The following CSMD2 variants were observed in gnomAD, a reference collection of about 807,000 sequenced individuals.
The protein encoded by CSMD2 is CUB and Sushi multiple domains 2.
CSMD2 carries 130 observed loss-of-function variants against 398.5 expected under a neutral mutation model. The ratio of observed to expected loss-of-function variants is 0.33; its 90% confidence interval spans 0.28 to 0.38. CSMD2 has a LOEUF of 0.38. CSMD2 is among the 10% of genes least tolerant of loss of function. The pLI, the probability that CSMD2 is intolerant of heterozygous loss-of-function variation, is 1.00. For synonymous variants in CSMD2, 1,828 were observed against 1,908.5 expected, an observed-to-expected ratio of 0.96 and a Z score of 1.10; for missense variants, 3,829 against 4,764.9, an observed-to-expected ratio of 0.80 and a Z score of 5.78.
At chr1:33,641,423 A>G (rs1643102476) in intron 29 of CSMD2, among the ~76,000 whole-genome samples, 1 of 152,104 alleles carries the variant, frequency 6.6e-6, no homozygotes, top group Non-Finnish European at 1.5e-5. Context: ...AGGTCCTTCC[A>G]CCCCACTGGT....
chr1:34,103,314 T>TTA (rs1553316154), intron 1 of CSMD2, among the ~76,000 whole-genome samples: 1 of 114,658 alleles, frequency 8.7e-6, no homozygotes, highest in African/African-American at 3.2e-5. Flanking sequence ...TTTTTTTCTT[T>TTA]CTGAGCCAGA....
intron 25 of CSMD2, among the ~76,000 whole-genome samples, chr1:33,670,944 G>A (rs907646419): frequency 2.6e-5 from 4 of 152,172 alleles, no homozygotes; most frequent in Non-Finnish European, 5.9e-5. Flanking sequence ...AGAAAAGAGA[G>A]ATGAGAGATT....
At chr1:33,529,664 T>C (rs1354615895) in intron 64 of CSMD2, among the ~76,000 whole-genome samples, 2 of 152,092 alleles carry the variant, frequency 1.3e-5, no homozygotes, top group African/African-American at 4.8e-5. Flanking sequence ...ATCTAAGAAG[T>C]AAAACTAGAA....
At chr1:34,005,132 C>T (rs186490092) in intron 3 of CSMD2, among the ~76,000 whole-genome samples, 20 of 152,134 alleles carry the variant, frequency 1.3e-4, no homozygotes, top group Non-Finnish European at 2.4e-4. Flanking sequence ...TAATTAGATA[C>T]GAGAGAGAGA....
intron 3 of CSMD2, among the ~76,000 whole-genome samples, chr1:33,965,742 A>C (rs1469334190): frequency 6.6e-6 from 1 of 152,198 alleles, no homozygotes; most frequent in Non-Finnish European, 1.5e-5. Context: ...AATGGTTCAG[A>C]ATTTCAAGAT....
At chr1:33,625,378 C>G in intron 33 of CSMD2, 124 bp from the exon 34 acceptor site, 1 of 931,106 alleles carries the variant, frequency 1.1e-6, no homozygotes, top group Non-Finnish European at 1.6e-6. Flanking sequence ...GGATGCTCTC[C>G]CGTAGGGAAG....
intron 64 of CSMD2, 144 bp downstream of exon 64, chr1:33,532,906 G>C: frequency 1.2e-6 from 1 of 835,612 alleles, no homozygotes; most frequent in South Asian, 1.9e-5. Context: ...TGCTCTTCTA[G>C]ACTCAAAACC....
chr1:34,123,529 G>GC (rs1473509496), intron 1 of CSMD2, among the ~76,000 whole-genome samples: 11 of 151,976 alleles, frequency 7.2e-5, no homozygotes, highest in Non-Finnish European at 1.6e-4. Context: ...TAAAGGGGGG[G>GC]GGTTGTGGGA....
intron 64 of CSMD2, among the ~76,000 whole-genome samples, chr1:33,529,579 C>A (rs1165152400): frequency 6.6e-6 from 1 of 151,828 alleles, no homozygotes; most frequent in East Asian, 1.9e-4. Flanking sequence ...AACTGGATAG[C>A]CACATAAAAA....
At chr1:33,781,235 C>G (rs967757527) in intron 12 of CSMD2, among the ~76,000 whole-genome samples, 2 of 152,226 alleles carry the variant, frequency 1.3e-5, no homozygotes, top group Admixed American at 1.3e-4. Flanking sequence ...TGTTCCCTCT[C>G]TCAAGGGAGT....
chr1:34,072,549 C>G (rs968818276), intron 2 of CSMD2, among the ~76,000 whole-genome samples: 2 of 152,192 alleles, frequency 1.3e-5, no homozygotes, highest in African/African-American at 4.8e-5. Flanking sequence ...ACCAATATCT[C>G]ATGATACTGC....
intron 12 of CSMD2, among the ~76,000 whole-genome samples, chr1:33,776,386 G>T (rs1453069346): frequency 2.0e-5 from 3 of 152,184 alleles, no homozygotes; most frequent in Non-Finnish European, 2.9e-5. Context: ...GATGGCAGGA[G>T]ACCGAGGGAG....
chr1:33,708,804 G>T (rs1407801728), intron 22 of CSMD2, among the ~76,000 whole-genome samples: 1 of 152,016 alleles, frequency 6.6e-6, no homozygotes, highest in Non-Finnish European at 1.5e-5. Context: ...GCTTTGCCAT[G>T]TTCCCTAAGC....
At chr1:34,165,573 C>A (rs1229358405), upstream of CSMD2, among the ~76,000 whole-genome samples, 1 of 151,530 alleles carries the variant, frequency 6.6e-6, no homozygotes, top group African/African-American at 2.4e-5. Context: ...CATTAATACA[C>A]CCCCCTCTCC....
At chr1:33,662,621 C>T (rs1478063642) in intron 26 of CSMD2, among the ~76,000 whole-genome samples, 5 of 152,156 alleles carry the variant, frequency 3.3e-5, no homozygotes, top group Admixed American at 6.5e-5. Context: ...GAACATCTTC[C>T]TTGATGCTCC....
chr1:34,015,673 C>T (rs1212305478), intron 3 of CSMD2, among the ~76,000 whole-genome samples: 1 of 152,182 alleles, frequency 6.6e-6, no homozygotes, highest in East Asian at 1.9e-4. Flanking sequence ...TTGTTCATGG[C>T]ATCTGAGAGG....
chr1:33,788,771 T>C, intron 11 of CSMD2, 59 bp from the exon 12 acceptor site: 1 of 1,095,370 alleles, frequency 9.1e-7, no homozygotes, highest in Non-Finnish European at 1.4e-6. Flanking sequence ...AATAGAATGA[T>C]TGCCTGACCG....
intron 1 of CSMD2, among the ~76,000 whole-genome samples, chr1:34,153,486 TG>T (rs1338481746): frequency 6.6e-6 from 1 of 152,252 alleles, no homozygotes; most frequent in Non-Finnish European, 1.5e-5. Context: ...GCCATTTGGC[TG>T]TTGTGAATAA....
At chr1:33,570,345 T>A (rs1473541284) in intron 51 of CSMD2, among the ~76,000 whole-genome samples, 2 of 151,414 alleles carry the variant, frequency 1.3e-5, no homozygotes, top group Non-Finnish European at 3.0e-5. Context: ...TTTTTTTTTT[T>A]TTTTTTTTAG....
Sources: allele counts gnomAD v4.1 joint callset (sites outside exome capture counted in the v4.1 genomes callset), GRCh38; gene constraint gnomAD v4.1.1; transcripts MANE v1.5; gene names NCBI Gene and HGNC (gene_info 2026-07-23, HGNC 2026-07-21).